Variants in PCDHA10 observed in about 807,000 individuals in gnomAD.
PCDHA10 encodes the protein protocadherin alpha 10, also known as protocadherin alpha-10.
Under a neutral mutation model 61.2 loss-of-function variants are expected in PCDHA10, and 45 were observed. The observed-to-expected ratio is 0.74, with a 90% CI of 0.58 to 0.94. The LOEUF is 0.94. Ranked by LOEUF, PCDHA10 falls within the 40% of genes least tolerant of loss-of-function variation. The pLI, the probability that PCDHA10 is intolerant of heterozygous loss-of-function variation, is 0.00. For missense variants in PCDHA10, 1,278 were observed against 1,236.2 expected (o/e 1.03, Z -0.51); for synonymous variants, 602 against 548.8 (o/e 1.10, Z -1.35).
In PCDHA10 at chr5:140,868,951, A is replaced by G; in HGVS notation, c.2388+10515A>G. On this transcript the variant is annotated intron_variant, in intron 1 of 3. Transcript: ENST00000307360. ...TAAAGGTTGGTCTGAACAGTGAGGC[A>G]CTCCCATACAAAGGAACTCCATCAT... 4.5e-6 allele frequency: 6 copies of G among 1,321,586 alleles called. No individual in the cohort carries two copies. The South Asian group carries it at 7.6e-5, about 17-fold the overall frequency. The allele number at this position is 1,321,586 out of a possible 1,614,324, so 81.9% of individuals were successfully genotyped here. A position where few individuals can be genotyped will look rare whatever the true frequency, so the allele number is the denominator to read the frequency against.
At chr5:140,886,654 T>C (rs2061065769) in intron 1 of PCDHA10, among the ~76,000 whole-genome samples, 1 of 151,782 alleles carries the variant, frequency 6.6e-6, no homozygotes, top group African/African-American at 2.4e-5. Context: ...GGTGAAACCC[T>C]GTCTCTACTA....
chr5:140,876,330 A>G, intron 1 of PCDHA10: 2 of 1,614,042 alleles, frequency 1.2e-6, no homozygotes, highest in Admixed American at 1.7e-5. Flanking sequence ...TGATTTTGCC[A>G]GTGAGTGAGA....
At chr5:140,876,140 C>G in intron 1 of PCDHA10, 1 of 1,613,944 alleles carries the variant, frequency 6.2e-7, no homozygotes, top group Non-Finnish European at 8.5e-7. Context: ...CCAGAACTAA[C>G]AGGGTCTGTC....
intron 1 of PCDHA10, chr5:140,870,249 A>T (rs1554163944): frequency 6.2e-7 from 1 of 1,614,160 alleles, no homozygotes; most frequent in Non-Finnish European, 8.5e-7. Flanking sequence ...GTGTCAACGG[A>T]CAGGTGACCT....
chr5:140,883,319 A>C, intron 1 of PCDHA10: 1 of 1,614,126 alleles, frequency 6.2e-7, no homozygotes, highest in Non-Finnish European at 8.5e-7. Context: ...CCCAGAGGTT[A>C]CCATCACTTC....
chr5:140,865,920 G>A (rs1282584078), intron 1 of PCDHA10: 2 of 152,110 alleles, frequency 1.3e-5, no homozygotes, highest in African/African-American at 2.4e-5. Flanking sequence ...TTTCTGTTGT[G>A]CTTAGAAGAA....
At chr5:140,896,583 G>A (rs557774521) in intron 1 of PCDHA10, among the ~76,000 whole-genome samples, 1 of 151,770 alleles carries the variant, frequency 6.6e-6, no homozygotes, top group South Asian at 2.1e-4. Context: ...TGACGTGTTG[G>A]CCAGGCTGGT....
chr5:140,859,712 A>G (rs1396254172), intron 1 of PCDHA10: 1 of 154,176 alleles, frequency 6.5e-6, no homozygotes, highest in African/African-American at 2.4e-5. Flanking sequence ...GGAACACCAA[A>G]AAAAAATTGT....
At chr5:140,888,487 A>G (rs2061843954) in intron 1 of PCDHA10, among the ~76,000 whole-genome samples, 1 of 152,162 alleles carries the variant, frequency 6.6e-6, no homozygotes, top group Admixed American at 6.5e-5. Context: ...CTGTTGAGAA[A>G]CTCTGCTTTA....
chr5:140,999,459 T>C (rs2097858774), intron 3 of PCDHA10, among the ~76,000 whole-genome samples: 1 of 152,138 alleles, frequency 6.6e-6, no homozygotes, highest in Non-Finnish European at 1.5e-5. Flanking sequence ...AACGAATAAG[T>C]GGTGAAGCAG....
At chr5:141,000,939 A>G (rs551872377) in intron 3 of PCDHA10, among the ~76,000 whole-genome samples, 2 of 152,294 alleles carry the variant, frequency 1.3e-5, no homozygotes, top group East Asian at 3.9e-4. Context: ...ATTTAGGACA[A>G]ATTATCTTGC....
chr5:140,911,778 A>G (rs2075636196), intron 1 of PCDHA10, among the ~76,000 whole-genome samples: 1 of 152,228 alleles, frequency 6.6e-6, no homozygotes, highest in Admixed American at 6.5e-5. Flanking sequence ...TACAGTCCTT[A>G]GCATTTTTGG....
At chr5:140,893,137 C>T (rs2153441262) in intron 1 of PCDHA10, among the ~76,000 whole-genome samples, 1 of 152,298 alleles carries the variant, frequency 6.6e-6, no homozygotes, top group South Asian at 2.1e-4. Context: ...TTTCTTTATC[C>T]ACTCATCTGT....
intron 1 of PCDHA10, among the ~76,000 whole-genome samples, chr5:140,901,404 G>C (rs1047085666): frequency 6.6e-6 from 1 of 152,166 alleles, no homozygotes; most frequent in East Asian, 1.9e-4. Flanking sequence ...GTGAGAGATA[G>C]GGGTCTAGTT....
At chr5:140,990,541 A>T (rs868916666) in intron 3 of PCDHA10, among the ~76,000 whole-genome samples, 1 of 152,210 alleles carries the variant, frequency 6.6e-6, no homozygotes, top group Admixed American at 6.5e-5. Context: ...CATCATAGAT[A>T]CTGTATTACC....
intron 1 of PCDHA10, chr5:140,884,466 C>G (rs1212644572): frequency 2.5e-6 from 4 of 1,613,646 alleles, no homozygotes; most frequent in Non-Finnish European, 3.4e-6. Flanking sequence ...GGCGCGTGCG[C>G]GCCGGGCAAG....
chr5:140,877,325 C>G lies in PCDHA10; in HGVS notation c.2388+18889C>G. 1.2e-6 allele frequency: 2 copies of G among 1,613,974 alleles called. No individual in the cohort carries two copies. Among genetic ancestry groups the G allele is most frequent in the Non-Finnish European group, 1.7e-6 (2 of 1,179,864 alleles). The stretch of plus-strand genomic sequence containing the variant: ...GAGTTGCAACCGGCGGCGGTCGGCG[C>G]GCACATCCCGTTCCACGTGGGGCTG... On this transcript the variant is annotated intron_variant, in intron 1 of 3. Transcript: ENST00000307360.
intron 1 of PCDHA10, chr5:140,969,147 A>C (rs781909774): frequency 1.2e-6 from 2 of 1,614,172 alleles, no homozygotes; most frequent in South Asian, 2.2e-5. Flanking sequence ...TACTGCTACA[A>C]GGCCTGTCTG....
intron 1 of PCDHA10, among the ~76,000 whole-genome samples, chr5:140,916,856 G>C (rs529499839): frequency 2.6e-5 from 4 of 152,254 alleles, no homozygotes; most frequent in South Asian, 2.1e-4. Flanking sequence ...CCAGCACTAG[G>C]AGTTACCTAG....
Sources: gnomAD v4.1 joint callset for allele counts (sites outside exome capture counted in the v4.1 genomes callset) on GRCh38, gnomAD v4.1.1 for gene constraint, MANE v1.5 for transcripts, NCBI Gene and HGNC (gene_info 2026-07-23, HGNC 2026-07-21) for gene names.